SH3KBP1: variants seen among roughly 807,000 people sequenced by gnomAD.
SH3KBP1 encodes SH3 domain containing kinase binding protein 1.
In SH3KBP1, 8 loss-of-function variants were observed where a neutral mutation model predicts 50.1. That is an observed-to-expected ratio of 0.16 (90% confidence interval 0.09 to 0.29). The LOEUF (loss-of-function observed/expected upper bound fraction) is 0.29, where lower values mean the gene tolerates loss of function less well. Ranked by LOEUF, SH3KBP1 falls within the 10% of genes least tolerant of loss-of-function variation. The pLI is 1.00. For missense variants in SH3KBP1, 377 were observed against 535.2 expected (o/e 0.70, Z 2.92); for synonymous variants, 227 against 218.6 (o/e 1.04, Z -0.34).
intron 2 of SH3KBP1, among the ~76,000 whole-genome samples, chrX:19,831,732 G>A (rs979657665): frequency 7.0e-5 from 6 of 86,213 alleles, no homozygotes; most frequent in Non-Finnish European, 1.0e-4. Context: ...TGGAGGTTGC[G>A]GTGAGCCGAG....
intron 4 of SH3KBP1, among the ~76,000 whole-genome samples, chrX:19,705,200 T>C (rs2063627256): frequency 8.9e-6 from 1 of 112,472 alleles, no homozygotes; most frequent in South Asian, 3.6e-4. Flanking sequence ...CTGGGATCTG[T>C]GTTTATGGCA....
intron 1 of SH3KBP1, among the ~76,000 whole-genome samples, chrX:19,873,289 T>TATATATATATATATATATAC (rs1569493039): frequency 1.6e-4 from 12 of 75,210 alleles, no homozygotes; most frequent in African/African-American, 6.0e-4. Flanking sequence ...TATATATATA[T>TATATATATATATATATATAC]GTATATATAT....
chrX:19,700,677 A>T (rs1188291489), intron 4 of SH3KBP1, among the ~76,000 whole-genome samples: 1 of 112,559 alleles, frequency 8.9e-6, no homozygotes, highest in Admixed American at 9.4e-5. Flanking sequence ...GTGAAAAAAA[A>T]ATATATCTTT....
At chrX:19,805,426 G>A (rs138929771) in intron 2 of SH3KBP1, among the ~76,000 whole-genome samples, 1,381 of 107,772 alleles carry the variant, frequency 0.013, 26 homozygotes, top group African/African-American at 0.045. Flanking sequence ...CAACATACTT[G>A]AAACTTTTTA....
At chrX:19,691,015 A>T (rs1242678197) in intron 5 of SH3KBP1, among the ~76,000 whole-genome samples, 1 of 111,967 alleles carries the variant, frequency 8.9e-6, no homozygotes, top group African/African-American at 3.2e-5. Context: ...TAACATCATA[A>T]GATTCTGCCT....
At chrX:19,634,034 GTGTGTGT>G (rs2061640151) in intron 7 of SH3KBP1, among the ~76,000 whole-genome samples, 1 of 6,102 alleles carries the variant, frequency 1.6e-4, no homozygotes, top group African/African-American at 3.8e-4. Context: ...GTTCCCTGGT[GTGTGTGT>G]GTGTGTGTGT....
intron 2 of SH3KBP1, among the ~76,000 whole-genome samples, chrX:19,815,345 G>A (rs1245963329): frequency 7.2e-5 from 8 of 110,745 alleles, no homozygotes; most frequent in Non-Finnish European, 1.1e-4. Context: ...CTACTCACAA[G>A]AACTTACAAA....
chrX:19,673,065 CAAAAAAAA>C (rs1174045446), intron 6 of SH3KBP1, among the ~76,000 whole-genome samples: 3 of 37,328 alleles, frequency 8.0e-5, no homozygotes, highest in African/African-American at 2.8e-4. Flanking sequence ...GATTCTGTCT[CAAAAAAAA>C]AAAAAAAAAA....
chrX:19,632,543 G>T (rs1223962806), intron 7 of SH3KBP1, among the ~76,000 whole-genome samples: 1 of 112,595 alleles, frequency 8.9e-6, no homozygotes, highest in Non-Finnish European at 1.9e-5. Flanking sequence ...ACACACATAT[G>T]TGTGGGGGTA....
At chrX:19,848,274 G>A (rs2068415055) in intron 1 of SH3KBP1, among the ~76,000 whole-genome samples, 1 of 111,884 alleles carries the variant, frequency 8.9e-6, no homozygotes, top group African/African-American at 3.3e-5. Context: ...AAGAAAGCAA[G>A]GAGGCCAGCA....
intron 6 of SH3KBP1, among the ~76,000 whole-genome samples, chrX:19,661,303 G>C (rs2062443576): frequency 8.9e-6 from 1 of 112,056 alleles, no homozygotes; most frequent in Non-Finnish European, 1.9e-5. Flanking sequence ...TATGTATCTA[G>C]AGCCTTAAAA....
chrX:19,668,972 A>ATTT (rs1264643511), intron 6 of SH3KBP1, among the ~76,000 whole-genome samples: 1 of 52,205 alleles, frequency 1.9e-5, no homozygotes, highest in African/African-American at 8.2e-5. Flanking sequence ...ATATATATAT[A>ATTT]TATTTTTTGA....
chrX:19,789,426 G>A (rs1227244778), intron 2 of SH3KBP1, among the ~76,000 whole-genome samples: 3 of 110,995 alleles, frequency 2.7e-5, no homozygotes, highest in African/African-American at 9.9e-5. Context: ...ACAGACTAGG[G>A]GGGCTTAAAT....
intron 1 of SH3KBP1, among the ~76,000 whole-genome samples, chrX:19,874,447 T>G (rs866317507): frequency 6.6e-5 from 2 of 30,137 alleles, no homozygotes; most frequent in Non-Finnish European, 5.7e-5. Flanking sequence ...GGGGGCAAAG[T>G]GGGGGGGTGT....
chrX:19,794,252 A>AG, intron 2 of SH3KBP1, among the ~76,000 whole-genome samples: 1 of 104,557 alleles, frequency 9.6e-6, no homozygotes, highest in African/African-American at 3.6e-5. Flanking sequence ...AAAAAAAAAA[A>AG]TCAGCCAGGC....
At chrX:19,881,700 T>A (rs898342629) in intron 1 of SH3KBP1, among the ~76,000 whole-genome samples, 1 of 111,278 alleles carries the variant, frequency 9.0e-6, no homozygotes, top group African/African-American at 3.3e-5. Context: ...GACACCTGAA[T>A]TGGCAAAGTG....
At chrX:19,543,215 G>T (rs953726329) in intron 15 of SH3KBP1, among the ~76,000 whole-genome samples, 3 of 111,809 alleles carry the variant, frequency 2.7e-5, no homozygotes, top group African/African-American at 9.8e-5. Context: ...TCCTGGACAG[G>T]ATGCAGAGGG....
chrX:19,624,297 T>G (rs2067943751), intron 8 of SH3KBP1, among the ~76,000 whole-genome samples: 1 of 111,594 alleles, frequency 9.0e-6, no homozygotes, highest in Non-Finnish European at 1.9e-5. Context: ...TTTTTTTCTG[T>G]GTGTTGCAGA....
chrX:19,748,099 C>T (rs2064968889), intron 2 of SH3KBP1, among the ~76,000 whole-genome samples: 1 of 112,256 alleles, frequency 8.9e-6, no homozygotes, highest in African/African-American at 3.2e-5. Flanking sequence ...TCACCGGTTG[C>T]TTCTTTGGGG....
Sources: gnomAD v4.1 joint callset for allele counts (sites outside exome capture counted in the v4.1 genomes callset) on GRCh38, gnomAD v4.1.1 for gene constraint, MANE v1.5 for transcripts, NCBI Gene and HGNC (gene_info 2026-07-23, HGNC 2026-07-21) for gene names.